CPQ: variants seen among roughly 807,000 people sequenced by gnomAD.
CPQ encodes the protein Ser-Met dipeptidase.
Under a neutral mutation model 45.7 loss-of-function variants are expected in CPQ, and 37 were observed. That is an observed-to-expected ratio of 0.81 (90% CI 0.62 to 1.07). The LOEUF (loss-of-function observed/expected upper bound fraction) is 1.07. Ranked by LOEUF, CPQ falls within the 50% of genes least tolerant of loss-of-function variation. CPQ has a pLI of 0.00. For missense variants in CPQ, 537 were observed against 572.9 expected (o/e 0.94, Z 0.64); for synonymous variants, 186 against 205.8 (o/e 0.90, Z 0.82).
intron 1 of CPQ, among the ~76,000 whole-genome samples, chr8:96,685,379 A>T (rs1809212613): frequency 6.6e-6 from 1 of 152,030 alleles, no homozygotes; most frequent in South Asian, 2.1e-4. Context: ...TTAAATCTTT[A>T]ATCTGTCTCA....
chr8:96,888,308 T>A lies in CPQ; in HGVS notation c.849+8303T>A, dbSNP rs553986846. On this transcript the variant is annotated intron_variant, in intron 4 of 7. Coordinates refer to ENST00000220763, the MANE Select transcript of CPQ (RefSeq NM_016134.4). Reference sequence around the variant, plus strand: ...GTGAGGCTTTGGTTCTGGTTTTATTTCTGGCACAAATAAGCTGAGTGGCTT... The same window carrying A: ...GTGAGGCTTTGGTTCTGGTTTTATTACTGGCACAAATAAGCTGAGTGGCTT... 2.4e-4 allele frequency among the ~76,000 whole-genome samples: 37 copies of A among 152,284 alleles called. 1 individual carries two copies. In the South Asian group the frequency reaches 7.1e-3, roughly 29 times the overall value.
chr8:96,858,036 C>T (rs1365539764), intron 3 of CPQ, among the ~76,000 whole-genome samples: 1 of 152,246 alleles, frequency 6.6e-6, no homozygotes. Flanking sequence ...CCATGTATGG[C>T]CACTCTCCTA....
chr8:97,073,814 T>C (rs930758863), intron 7 of CPQ, among the ~76,000 whole-genome samples: 1 of 152,192 alleles, frequency 6.6e-6, no homozygotes, highest in East Asian at 1.9e-4. Context: ...CAGAGAATTA[T>C]AGTAGGTGGT....
chr8:97,107,692 G>A (rs1437521460), intron 7 of CPQ, among the ~76,000 whole-genome samples: 3 of 152,162 alleles, frequency 2.0e-5, no homozygotes, highest in African/African-American at 7.2e-5. Flanking sequence ...AGAGAGAGAT[G>A]TATGGCTGGA....
At chr8:96,912,585 A>G (rs1316548101) in intron 4 of CPQ, among the ~76,000 whole-genome samples, 1 of 152,238 alleles carries the variant, frequency 6.6e-6, no homozygotes, top group African/African-American at 2.4e-5. Context: ...TAAATCAGAC[A>G]TGTGCTAGCC....
At chr8:96,700,350 C>T (rs990798434) in intron 1 of CPQ, among the ~76,000 whole-genome samples, 6 of 151,936 alleles carry the variant, frequency 3.9e-5, no homozygotes, top group Non-Finnish European at 7.4e-5. Flanking sequence ...TATGGCTTGT[C>T]AGAATAAGTC....
intron 1 of CPQ, among the ~76,000 whole-genome samples, chr8:96,733,797 T>C (rs1345574872): frequency 6.6e-6 from 1 of 152,188 alleles, no homozygotes; most frequent in African/African-American, 2.4e-5. Flanking sequence ...TTACAGCCTA[T>C]CTCAATTTGC....
At chr8:96,675,647 C>T (rs976432969) in intron 1 of CPQ, among the ~76,000 whole-genome samples, 9 of 151,974 alleles carry the variant, frequency 5.9e-5, no homozygotes, top group South Asian at 2.1e-4. Flanking sequence ...AAATTGTACA[C>T]GCCCAGCAGC....
intron 2 of CPQ, among the ~76,000 whole-genome samples, chr8:96,822,615 G>A (rs539767424): frequency 6.6e-6 from 1 of 152,034 alleles, no homozygotes; most frequent in East Asian, 1.9e-4. Flanking sequence ...GGCCCAGGAG[G>A]TCCTGCATGA....
In CPQ at chr8:96,670,789, C is replaced by CCTT. The variant is rs1808991229; in HGVS notation, c.-35+25387_-35+25388insCTT. Among the ~76,000 whole-genome samples the CCTT allele has an allele frequency of 2.7e-5, 4 of 146,290 alleles. No homozygotes were observed. In the South Asian group the frequency reaches 8.5e-4, roughly 31 times the overall value. On this transcript the variant is annotated intron_variant, in intron 1 of 7. Transcript: ENST00000220763. ...AAATCAATCATAAAGGTTATATACACGTTTCTATTTATATAACAATCTTTA... is the reference window on the plus strand; with the variant it reads ...AAATCAATCATAAAGGTTATATACACCTTGTTTCTATTTATATAACAATCTTTA...
At chr8:96,998,926 C>T (rs754201292) in intron 5 of CPQ, among the ~76,000 whole-genome samples, 46 of 152,066 alleles carry the variant, frequency 3.0e-4, no homozygotes, top group African/African-American at 8.9e-4. Flanking sequence ...GCTTATTAAA[C>T]GAAGAATTGG....
chr8:96,654,196 G>A (rs1186670588), intron 1 of CPQ, among the ~76,000 whole-genome samples: 1 of 152,198 alleles, frequency 6.6e-6, no homozygotes, highest in Non-Finnish European at 1.5e-5. Context: ...CCTCTGGTGT[G>A]TAGTGTCTAT....
intron 6 of CPQ, among the ~76,000 whole-genome samples, chr8:97,040,754 T>C (rs1251927831): frequency 2.6e-5 from 4 of 152,188 alleles, no homozygotes; most frequent in Non-Finnish European, 2.9e-5. Flanking sequence ...CTTTCCCCAT[T>C]GCTTGTTTTT....
rs369899030 is a variant in CPQ at position 96,912,885 on chromosome 8, T to C, written c.849+32880T>C. On this transcript the variant is annotated intron_variant, in intron 4 of 7. Coordinates refer to ENST00000220763, the MANE Select transcript of CPQ (RefSeq NM_016134.4). Reference sequence around the variant, plus strand: ...TTGAGCCCCTCATGAGGAGGCGCAGTGGAAGAAAAATGTTCTGCTGAGCAG... The same window carrying C: ...TTGAGCCCCTCATGAGGAGGCGCAGCGGAAGAAAAATGTTCTGCTGAGCAG... Among the ~76,000 whole-genome samples, 5 of 152,314 alleles carry C rather than the reference T, an allele frequency of 3.3e-5. No individual in the cohort carries two copies. In the East Asian group the frequency reaches 9.7e-4, roughly 29 times the overall value.
chr8:96,696,696 A>C (rs1261094000), intron 1 of CPQ, among the ~76,000 whole-genome samples: 1 of 152,094 alleles, frequency 6.6e-6, no homozygotes, highest in African/African-American at 2.4e-5. Context: ...ATTACAACCA[A>C]TACCACAGAA....
At chr8:96,902,429 C>G (rs1239327380) in intron 4 of CPQ, among the ~76,000 whole-genome samples, 1 of 152,168 alleles carries the variant, frequency 6.6e-6, no homozygotes, top group East Asian at 1.9e-4. Context: ...AGTTCATGCT[C>G]TTCTGAATAT....
chr8:97,101,951 CCT>C (rs150834817), intron 7 of CPQ, among the ~76,000 whole-genome samples: 1,371 of 90,148 alleles, frequency 0.015, 11 homozygotes, highest in African/African-American at 0.041. Flanking sequence ...TCCCTCCCTC[CCT>C]CTCTCTCTCT....
At chr8:97,043,364 T>C (rs1810168695) in intron 6 of CPQ, among the ~76,000 whole-genome samples, 1 of 151,922 alleles carries the variant, frequency 6.6e-6, no homozygotes, top group Admixed American at 6.6e-5. Context: ...TCCTTTTATT[T>C]TGAGCCTATG....
intron 4 of CPQ, among the ~76,000 whole-genome samples, chr8:96,919,489 C>T (rs1472794549): frequency 6.6e-6 from 1 of 152,096 alleles, no homozygotes; most frequent in East Asian, 1.9e-4. Flanking sequence ...GAATTTGCTA[C>T]ATTAATTGTA....
Sources: gnomAD v4.1 joint callset for allele counts (sites outside exome capture counted in the v4.1 genomes callset) on GRCh38, gnomAD v4.1.1 for gene constraint, MANE v1.5 for transcripts, NCBI Gene and HGNC (gene_info 2026-07-23, HGNC 2026-07-21) for gene names.